The following PRTFDC1 variants were observed in gnomAD, a reference collection of about 807,000 sequenced individuals.
PRTFDC1 encodes the protein phosphoribosyl transferase domain containing 1, also known as phosphoribosyltransferase domain-containing protein 1.
PRTFDC1 carries 38 observed loss-of-function variants against 34.6 expected under a neutral mutation model. The observed-to-expected ratio is 1.10, with a 90% CI of 0.85 to 1.44. The LOEUF is 1.44. Ranked by LOEUF, PRTFDC1 falls within the 40% of genes most tolerant of loss-of-function variation. PRTFDC1 has a pLI of 0.00. For missense variants in PRTFDC1, 270 were observed against 283.0 expected, an observed-to-expected ratio of 0.95 and a Z score of 0.33; for synonymous variants, 93 against 98.1, an observed-to-expected ratio of 0.95 and a Z score of 0.31.
intron 3 of PRTFDC1, chr10:24,908,804 C>G: frequency 7.2e-7 from 1 of 1,391,944 alleles, no homozygotes; most frequent in Non-Finnish European, 9.4e-7. Flanking sequence ...CCAGATAGCC[C>G]TCACATCCCC....
intron 3 of PRTFDC1, among the ~76,000 whole-genome samples, chr10:24,889,041 C>G (rs881487): frequency 6.6e-6 from 1 of 151,886 alleles, no homozygotes; most frequent in East Asian, 1.9e-4. Flanking sequence ...GACCCTGCCC[C>G]AAATTCAGAT....
At chr10:24,854,833 G>C (rs986335644) in intron 7 of PRTFDC1, among the ~76,000 whole-genome samples, 1 of 152,160 alleles carries the variant, frequency 6.6e-6, no homozygotes, top group South Asian at 2.1e-4. Context: ...TACAATTCAG[G>C]CTTGCTAAAG....
At chr10:24,920,062 C>A (rs576744012) in intron 3 of PRTFDC1, among the ~76,000 whole-genome samples, 28 of 152,102 alleles carry the variant, frequency 1.8e-4, no homozygotes, top group African/African-American at 6.5e-4. Flanking sequence ...GAAGACAGTG[C>A]GGCAATCCCT....
chr10:24,917,590 T>C (rs1848714394), intron 3 of PRTFDC1, among the ~76,000 whole-genome samples: 1 of 152,186 alleles, frequency 6.6e-6, no homozygotes, highest in South Asian at 2.1e-4. Context: ...TTTATTTTGT[T>C]CTGTTTCATC....
chr10:24,949,735 ATTTATTT>A (rs146137296), intron 1 of PRTFDC1, among the ~76,000 whole-genome samples: 43,523 of 137,744 alleles, frequency 0.32, 7,442 homozygotes, highest in Middle Eastern at 0.45. Flanking sequence ...TTATTTATTT[ATTTATTT>A]TTTTTTTTTT....
Position 24,952,427 on chromosome 10 carries a change from CCT to C in PRTFDC1, c.48+99_48+100del. Reference sequence around the variant, plus strand: ...CCGGGAGGGAGAACAAAGCGGTGGCCCTCTCTCTCCCCCGACGCACGGCAAGC... The same window carrying C: ...CCGGGAGGGAGAACAAAGCGGTGGCCCTCTCTCCCCCGACGCACGGCAAGC... On this transcript the variant is annotated intron_variant, in intron 1 of 8. Coordinates refer to ENST00000320152, the MANE Select transcript of PRTFDC1 (RefSeq NM_020200.7). The surrounding 1 kb of genome is among the most constrained non-coding windows in gnomAD (Gnocchi z 5.1). The C allele has an allele frequency of 1.5e-6, 2 of 1,343,308 alleles. No homozygotes were observed. Among genetic ancestry groups the C allele is most frequent in the Non-Finnish European group, 2.1e-6 (2 of 962,672 alleles). 83.2% of individuals were successfully genotyped at this position (1,343,308 alleles called of 1,614,324 possible).
chr10:24,858,988 G>C (rs904730840), intron 4 of PRTFDC1, among the ~76,000 whole-genome samples: 3 of 152,142 alleles, frequency 2.0e-5, no homozygotes, highest in Non-Finnish European at 4.4e-5. Flanking sequence ...AAGCTCTCAA[G>C]GCATTCCTCT....
intron 3 of PRTFDC1, among the ~76,000 whole-genome samples, chr10:24,922,811 C>T (rs1848812178): frequency 6.6e-6 from 1 of 152,072 alleles, no homozygotes; most frequent in South Asian, 2.1e-4. Context: ...TGGGTGCGGC[C>T]CATAGGGGGC....
intron 2 of PRTFDC1, among the ~76,000 whole-genome samples, chr10:24,940,005 T>C (rs1849128277): frequency 6.6e-6 from 1 of 151,994 alleles, no homozygotes; most frequent in South Asian, 2.1e-4. Flanking sequence ...AGGTCGATTA[T>C]CCAAAGAGAC....
chr10:24,868,427 C>A (rs1403918961), intron 4 of PRTFDC1, among the ~76,000 whole-genome samples: 2 of 152,032 alleles, frequency 1.3e-5, no homozygotes, highest in Non-Finnish European at 2.9e-5. Flanking sequence ...AAATTCCTGG[C>A]AGAGTAATAA....
intron 1 of PRTFDC1, among the ~76,000 whole-genome samples, chr10:24,943,206 G>T (rs1849197533): frequency 6.6e-6 from 1 of 151,882 alleles, no homozygotes; most frequent in Non-Finnish European, 1.5e-5. Context: ...CTTATTAAAA[G>T]TACGTATCTC....
At chr10:24,933,365 C>T (rs750215795) in intron 3 of PRTFDC1, among the ~76,000 whole-genome samples, 4 of 151,694 alleles carry the variant, frequency 2.6e-5, no homozygotes, top group Non-Finnish European at 4.4e-5. Flanking sequence ...AAATTCATGG[C>T]CAATATATTT....
chr10:24,914,723 C>A (rs1848670439), intron 3 of PRTFDC1, among the ~76,000 whole-genome samples: 1 of 152,166 alleles, frequency 6.6e-6, no homozygotes, highest in South Asian at 2.1e-4. Context: ...TAATAAATGC[C>A]TTTTAAAGAA....
intron 3 of PRTFDC1, among the ~76,000 whole-genome samples, chr10:24,917,742 C>T (rs1427460049): frequency 6.6e-6 from 1 of 152,138 alleles, no homozygotes; most frequent in African/African-American, 2.4e-5. Flanking sequence ...GACAGATGTC[C>T]TTTTCAGTGG....
chr10:24,880,998 T>C (rs545395827), intron 3 of PRTFDC1, among the ~76,000 whole-genome samples: 67 of 137,856 alleles, frequency 4.9e-4, no homozygotes, highest in African/African-American at 1.3e-3. Context: ...CCCTCCCTCC[T>C]TCCTTCCTTT....
chr10:24,850,830 G>C (rs1847473591), intron 8 of PRTFDC1, among the ~76,000 whole-genome samples: 1 of 152,152 alleles, frequency 6.6e-6, no homozygotes, highest in African/African-American at 2.4e-5. Context: ...CTCAGTCTCT[G>C]TGACTTTTGG....
At chr10:24,931,926 C>CA (rs1440998221) in intron 3 of PRTFDC1, among the ~76,000 whole-genome samples, 2 of 129,776 alleles carry the variant, frequency 1.5e-5, no homozygotes, top group African/African-American at 5.7e-5. Flanking sequence ...AAAAAAAAAA[C>CA]AAAAAACTAT....
chr10:24,952,492 G>A lies in PRTFDC1; in HGVS notation c.48+36C>T. ...AGCAGGGTGCCAGGGAGGGAGGGGAGCGGGCCGAGCCCCAAAATAGGGAGT... is the reference window on the plus strand; with the variant it reads ...AGCAGGGTGCCAGGGAGGGAGGGGAACGGGCCGAGCCCCAAAATAGGGAGT... On this transcript the variant is annotated intron_variant, in intron 1 of 8. Coordinates refer to ENST00000320152, the MANE Select transcript of PRTFDC1 (RefSeq NM_020200.7). This position sits in a 1 kb window ranked among gnomAD's most constrained non-coding sequence, Gnocchi z 5.1. The A allele has an allele frequency of 1.3e-6, 2 of 1,561,074 alleles. No homozygotes were observed. Among genetic ancestry groups the A allele is most frequent in the Non-Finnish European group, 1.7e-6 (2 of 1,150,664 alleles).
chr10:24,889,983 C>T (rs1848233755), intron 3 of PRTFDC1, among the ~76,000 whole-genome samples: 1 of 152,226 alleles, frequency 6.6e-6, no homozygotes, highest in African/African-American at 2.4e-5. Context: ...GCACAAAACA[C>T]TGCACATCTG....
Sources: allele counts gnomAD v4.1 joint callset (sites outside exome capture counted in the v4.1 genomes callset), GRCh38; gene constraint gnomAD v4.1.1; non-coding constraint Gnocchi (gnomAD v3.1); transcripts MANE v1.5; gene names NCBI Gene and HGNC (gene_info 2026-07-23, HGNC 2026-07-21).